The following SLC7A6 variants were observed in gnomAD, a reference collection of about 807,000 sequenced individuals.
SLC7A6 encodes the protein solute carrier family 7 member 6.
A neutral mutation model predicts 46.6 loss-of-function variants in SLC7A6; 29 were observed. The ratio of observed to expected loss-of-function variants is 0.62; its 90% CI spans 0.46 to 0.85. The LOEUF (loss-of-function observed/expected upper bound fraction) is 0.85, where lower values mean the gene tolerates loss of function less well. Among genes scored for constraint, SLC7A6 ranks in the 40% least tolerant of loss-of-function variants. The pLI, the probability that SLC7A6 is intolerant of heterozygous loss-of-function variation, is 0.00. For missense variants in SLC7A6, 527 were observed against 647.6 expected, an observed-to-expected ratio of 0.81 and a Z score of 2.02; for synonymous variants, 276 against 257.3, an observed-to-expected ratio of 1.07 and a Z score of -0.70.
At chr16:68,272,639 A>G (rs1039641963) in intron 2 of SLC7A6, among the ~76,000 whole-genome samples, 4 of 152,160 alleles carry the variant, frequency 2.6e-5, no homozygotes, top group Non-Finnish European at 5.9e-5. Context: ...GCCACTGGGT[A>G]GTTTCGCCAG....
At chr16:68,275,420 A>AC (rs994167788) in intron 3 of SLC7A6, among the ~76,000 whole-genome samples, 171 bp downstream of exon 3, 1 of 151,420 alleles carries the variant, frequency 6.6e-6, no homozygotes, top group Non-Finnish European at 1.5e-5. Flanking sequence ...ACATGGAGAA[A>AC]CCCCGTCTCT....
rs1219204095 is a variant in SLC7A6, at chr16:68,287,275, G to T, written c.524-471G>T. Reference sequence around the variant, plus strand: ...TTACAGGTGTGAGCCACTGCACCTGGCCTCATTTTTACACTTAATGCAAAA... The same window carrying T: ...TTACAGGTGTGAGCCACTGCACCTGTCCTCATTTTTACACTTAATGCAAAA... On this transcript the variant is annotated intron_variant, in intron 3 of 10. Transcript: ENST00000219343. 6 of 1,263,064 alleles carry T rather than the reference G, an allele frequency of 4.8e-6. No homozygotes were observed. In the East Asian group the frequency reaches 3.3e-4, roughly 71 times the overall value. 78.2% of individuals were successfully genotyped at this position (1,263,064 alleles called of 1,614,324 possible).
chr16:68,285,971 C>A (rs1244103493), intron 3 of SLC7A6, among the ~76,000 whole-genome samples: 10 of 150,848 alleles, frequency 6.6e-5, no homozygotes, highest in Non-Finnish European at 1.2e-4. Flanking sequence ...GTGGTGTGCA[C>A]CTGTGGTCCC....
intron 3 of SLC7A6, 36 bp downstream of exon 3, chr16:68,275,285 G>A: frequency 1.3e-6 from 2 of 1,568,846 alleles, no homozygotes; most frequent in Non-Finnish European, 1.7e-6. Flanking sequence ...ATGTTGGGGG[G>A]TGGGGGGTAC....
intron 4 of SLC7A6, chr16:68,290,030 G>A: frequency 5.3e-6 from 1 of 189,904 alleles, no homozygotes; most frequent in Non-Finnish European, 1.1e-5. Flanking sequence ...TCATTTGCAG[G>A]AAATGGAAAT....
intron 7 of SLC7A6, among the ~76,000 whole-genome samples, chr16:68,293,452 C>T (rs1296958268): frequency 1.3e-5 from 2 of 152,054 alleles, no homozygotes; most frequent in Non-Finnish European, 2.9e-5. Flanking sequence ...GTCACCTTCC[C>T]TCTGCTCAGC....
intron 7 of SLC7A6, among the ~76,000 whole-genome samples, chr16:68,293,616 T>C (rs74024438): frequency 0.061 from 9,306 of 152,262 alleles, 368 homozygotes; most frequent in Middle Eastern, 0.15. Flanking sequence ...CAGTGTGGCC[T>C]TGTATGCAGG....
At chr16:68,277,416 C>A (rs934214260) in intron 3 of SLC7A6, among the ~76,000 whole-genome samples, 4 of 151,764 alleles carry the variant, frequency 2.6e-5, no homozygotes, top group Non-Finnish European at 5.9e-5. Flanking sequence ...TCACACCATT[C>A]TCCTGCCTCA....
intron 2 of SLC7A6, chr16:68,272,979 A>G (rs1364365332): frequency 6.6e-6 from 1 of 152,240 alleles, no homozygotes; most frequent in African/African-American, 2.4e-5. Context: ...GGAAACCTGC[A>G]TGGCTTGGTG....
intron 2 of SLC7A6, among the ~76,000 whole-genome samples, chr16:68,271,431 G>A (rs1400217264): frequency 1.4e-5 from 2 of 144,612 alleles, no homozygotes; most frequent in Non-Finnish European, 3.0e-5. Flanking sequence ...TCAGCCTCCT[G>A]AGTAACTAAG....
At position 68,301,663 on chromosome 16, in the gene SLC7A6, A is replaced by G. The variant is rs1394891246; in HGVS notation, c.*4335A>G. 6 of 292,204 alleles carry G rather than the reference A, an allele frequency of 2.1e-5. No individual in the cohort carries two copies. In the East Asian group the frequency reaches 3.9e-4, roughly 19 times the overall value. 18.1% of individuals were successfully genotyped at this position (292,204 alleles called of 1,614,324 possible). A position where few individuals can be genotyped will look rare whatever the true frequency, so the allele number is the denominator to read the frequency against. Reference sequence around the variant, plus strand: ...GTATTTTGTCACTTCTCCCCTCCGTATAGGATTTTTTGTTGTTGTAAGAGT... The same window carrying G: ...GTATTTTGTCACTTCTCCCCTCCGTGTAGGATTTTTTGTTGTTGTAAGAGT... On this transcript the variant is annotated 3_prime_UTR_variant, in exon 11 of 11. Transcript: ENST00000219343.
At chr16:68,292,293 G>A (rs1267401914) in intron 7 of SLC7A6, 1 of 152,250 alleles carries the variant, frequency 6.6e-6, no homozygotes, top group Non-Finnish European at 1.5e-5. Flanking sequence ...CCTTCCTGTT[G>A]TTGAAGAGGA....
At chr16:68,291,800 T>TGTGTGTGTGTGTGTGTGTGTGC in intron 7 of SLC7A6, 139 bp downstream of exon 7, 1 of 706,412 alleles carries the variant, frequency 1.4e-6, no homozygotes, top group South Asian at 1.8e-5. Flanking sequence ...TGTGTGTGTG[T>TGTGTGTGTGTGTGTGTGTGTGC]TTGGTATGTG....
rs1385005857 is a variant in SLC7A6 at position 68,264,803 on chromosome 16, C to T, written c.-166+227C>T. ...GCGTGAGGGCCGAGTGTGGGAGAAACGCTGTATGGGTGCGAGCCCCGGAGG... is the reference window on the plus strand; with the variant it reads ...GCGTGAGGGCCGAGTGTGGGAGAAATGCTGTATGGGTGCGAGCCCCGGAGG... On this transcript the variant is annotated intron_variant, in intron 1 of 10. Transcript: ENST00000219343. This position sits in a 1 kb window ranked among gnomAD's most constrained non-coding sequence, Gnocchi z 5.8. 1.3e-5 allele frequency: 2 copies of T among 152,450 alleles called. No homozygotes were observed. Among genetic ancestry groups the T allele is most frequent in the African/African-American group, 2.4e-5 (1 of 41,420 alleles). The allele number at this position is 152,450 out of a possible 1,614,324, so 9.4% of individuals were successfully genotyped here. A position where few individuals can be genotyped will look rare whatever the true frequency, so the allele number is the denominator to read the frequency against.
intron 7 of SLC7A6, 55 bp downstream of exon 7, chr16:68,291,716 T>C (rs1205197955): frequency 2.7e-6 from 4 of 1,508,440 alleles, no homozygotes; most frequent in Non-Finnish European, 3.7e-6. Context: ...TCTCTGGGGC[T>C]TAGGCATAAG....
intron 3 of SLC7A6, among the ~76,000 whole-genome samples, chr16:68,283,208 G>A (rs2042860934): frequency 6.6e-6 from 1 of 152,248 alleles, no homozygotes; most frequent in Non-Finnish European, 1.5e-5. Context: ...ACCTTTAGCA[G>A]CATGGCTCAA....
intron 3 of SLC7A6, among the ~76,000 whole-genome samples, chr16:68,279,729 C>T (rs1408807497): frequency 2.0e-5 from 3 of 152,098 alleles, no homozygotes; most frequent in Non-Finnish European, 2.9e-5. Flanking sequence ...AGTAGAGATG[C>T]GGTTTTACCA....
At chr16:68,289,225 A>G (rs533078402) in intron 4 of SLC7A6, among the ~76,000 whole-genome samples, 88 of 152,122 alleles carry the variant, frequency 5.8e-4, no homozygotes, top group Non-Finnish European at 1.0e-3. Flanking sequence ...ACTGGGAGGC[A>G]GAGGTTGCAG....
At chr16:68,289,262 C>T (rs1200760028) in intron 4 of SLC7A6, among the ~76,000 whole-genome samples, 3 of 152,046 alleles carry the variant, frequency 2.0e-5, no homozygotes, top group African/African-American at 7.2e-5. Context: ...CATTGCACTC[C>T]AGCCTGGGCA....
Sources: allele counts gnomAD v4.1 joint callset (sites outside exome capture counted in the v4.1 genomes callset), GRCh38; gene constraint gnomAD v4.1.1; non-coding constraint Gnocchi (gnomAD v3.1); transcripts MANE v1.5; gene names NCBI Gene and HGNC (gene_info 2026-07-23, HGNC 2026-07-21).